Variants in RBFOX1 observed in about 807,000 individuals in gnomAD.
RBFOX1 encodes the protein RNA binding protein fox-1 homolog 1.
A neutral mutation model predicts 57.7 loss-of-function variants in RBFOX1; 8 were observed. The observed-to-expected ratio is 0.14, with a 90% CI of 0.08 to 0.25. The LOEUF (loss-of-function observed/expected upper bound fraction) is 0.25, where lower values mean the gene tolerates loss of function less well. Among genes scored for constraint, RBFOX1 ranks in the 10% least tolerant of loss-of-function variants. The pLI is 1.00. For synonymous variants in RBFOX1, 326 were observed against 222.4 expected, an observed-to-expected ratio of 1.47 and a Z score of -4.15; for missense variants, 611 against 548.5, an observed-to-expected ratio of 1.11 and a Z score of -1.14.
At chr16:7,292,549 C>CAT (rs1053233735) in intron 4 of RBFOX1, among the ~76,000 whole-genome samples, 4 of 147,120 alleles carry the variant, frequency 2.7e-5, no homozygotes, top group Non-Finnish European at 4.5e-5. Flanking sequence ...CACACACACA[C>CAT]ACACAAATAT....
chr16:5,981,705 G>C (rs1052490981), intron 4 of RBFOX1, among the ~76,000 whole-genome samples: 6 of 152,166 alleles, frequency 3.9e-5, no homozygotes, highest in African/African-American at 1.4e-4. Flanking sequence ...CTGACCTCGA[G>C]TGGTCCACCT....
intron 1 of RBFOX1, among the ~76,000 whole-genome samples, chr16:5,416,213 T>A (rs889371923): frequency 4.6e-5 from 7 of 152,194 alleles, no homozygotes; most frequent in African/African-American, 1.7e-4. Flanking sequence ...ATTTTACAGA[T>A]GAGGACATTG....
chr16:5,317,242 C>G (rs933844586), intron 1 of RBFOX1, among the ~76,000 whole-genome samples: 2 of 152,064 alleles, frequency 1.3e-5, no homozygotes, highest in Non-Finnish European at 2.9e-5. Context: ...TGTGTATTTT[C>G]TATTGGTTCT....
At chr16:6,652,138 A>T (rs78590127) in intron 2 of RBFOX1, among the ~76,000 whole-genome samples, 23 of 152,076 alleles carry the variant, frequency 1.5e-4, no homozygotes, top group African/African-American at 5.6e-4. Flanking sequence ...TCTTAATCCA[A>T]TAGGATTGGT....
At chr16:7,666,215 C>T (rs1376989127) in intron 13 of RBFOX1, among the ~76,000 whole-genome samples, 18 of 152,156 alleles carry the variant, frequency 1.2e-4, no homozygotes, top group Non-Finnish European at 2.4e-4. Context: ...CCAGTCCTGG[C>T]TCTCGACTCC....
chr16:7,307,670 G>GA, intron 4 of RBFOX1, among the ~76,000 whole-genome samples: 1 of 152,242 alleles, frequency 6.6e-6, no homozygotes, highest in African/African-American at 2.4e-5. Context: ...ATGCTAAATA[G>GA]TTTTTTTGGC....
At chr16:6,318,175 A>G (rs1040500015) in intron 2 of RBFOX1, among the ~76,000 whole-genome samples, 1 of 151,500 alleles carries the variant, frequency 6.6e-6, no homozygotes, top group African/African-American at 2.4e-5. Flanking sequence ...TGTTAGCTAC[A>G]TCAGAATGAC....
Position 6,529,860 on chromosome 16 carries a change from C to G in RBFOX1, c.-63-124743C>G, listed in dbSNP as rs559930982. On this transcript the variant is annotated intron_variant, in intron 2 of 15. Transcript: ENST00000550418. ...TTATCCCTAGTTTATTGAACAGAGT[C>G]AGCTCAGTGAGATATAAACATGAGG... Among the ~76,000 whole-genome samples the G allele has an allele frequency of 9.2e-5, 14 of 152,200 alleles. 1 individual carries two copies. The South Asian group carries it at 2.1e-3, about 23-fold the overall frequency.
chr16:6,101,403 C>T (rs928993727), intron 1 of RBFOX1, among the ~76,000 whole-genome samples: 2 of 152,186 alleles, frequency 1.3e-5, no homozygotes, highest in Admixed American at 6.5e-5. Flanking sequence ...TTTATTTTTT[C>T]TCACAAGGCA....
At chr16:7,480,620 C>G (rs1455321526) in intron 4 of RBFOX1, among the ~76,000 whole-genome samples, 2 of 152,206 alleles carry the variant, frequency 1.3e-5, no homozygotes, top group Admixed American at 6.5e-5. Flanking sequence ...CGGATTCCCT[C>G]TTGCCTGAAG....
chr16:6,813,329 G>T (rs143380643), intron 3 of RBFOX1, among the ~76,000 whole-genome samples: 18 of 152,214 alleles, frequency 1.2e-4, no homozygotes, highest in Admixed American at 3.3e-4. Flanking sequence ...GCCTCCAGTT[G>T]ACCACATTCA....
At chr16:6,977,564 A>G (rs1368721316) in intron 3 of RBFOX1, among the ~76,000 whole-genome samples, 5 of 152,096 alleles carry the variant, frequency 3.3e-5, no homozygotes, top group Admixed American at 3.3e-4. Flanking sequence ...ACAATTGGAC[A>G]CACGTCTGTG....
chr16:5,558,533 A>T (rs1876356), intron 2 of RBFOX1, among the ~76,000 whole-genome samples: 2 of 151,836 alleles, frequency 1.3e-5, no homozygotes, highest in Non-Finnish European at 2.9e-5. Flanking sequence ...GACCAGAGAC[A>T]CTCCTGAGAT....
At chr16:6,676,709 CTT>C (rs1340395388) in intron 3 of RBFOX1, among the ~76,000 whole-genome samples, 2 of 113,148 alleles carry the variant, frequency 1.8e-5, no homozygotes, top group Non-Finnish European at 3.4e-5. Flanking sequence ...AAGTCTCACT[CTT>C]GTCCCCCAGG....
chr16:5,406,530 A>G (rs2066871997), intron 1 of RBFOX1, among the ~76,000 whole-genome samples: 1 of 151,986 alleles, frequency 6.6e-6, no homozygotes, highest in Non-Finnish European at 1.5e-5. Context: ...TAAGTGTCAT[A>G]CCTTATAATA....
exon 4 of RBFOX1, chr16:5,867,326 C>T: frequency 3.3e-6 from 4 of 1,209,486 alleles, no homozygotes; most frequent in African/African-American, 1.6e-5. Context: ...AGGCTACAGG[C>T]AAAGCTGAGG....
At chr16:6,948,572 G>C (rs1198965194) in intron 3 of RBFOX1, among the ~76,000 whole-genome samples, 5 of 151,526 alleles carry the variant, frequency 3.3e-5, no homozygotes, top group Admixed American at 1.3e-4. Context: ...AGTAGAGACA[G>C]GGTTTCACCA....
chr16:7,078,692 T>A (rs1209791427), intron 4 of RBFOX1, among the ~76,000 whole-genome samples: 2 of 122,498 alleles, frequency 1.6e-5, no homozygotes, highest in Admixed American at 1.5e-4. Context: ...TTTTATTTTA[T>A]TTTTTTTTGA....
At chr16:6,037,347 C>CG (rs2152404749) in intron 1 of RBFOX1, 1 of 152,108 alleles carries the variant, frequency 6.6e-6, no homozygotes, top group African/African-American at 2.4e-5. Flanking sequence ...TGAGTTTTTG[C>CG]GGGAGAATAT....
Sources: allele counts gnomAD v4.1 joint callset (sites outside exome capture counted in the v4.1 genomes callset), GRCh38; gene constraint gnomAD v4.1.1; transcripts MANE v1.5; gene names NCBI Gene and HGNC (gene_info 2026-07-23, HGNC 2026-07-21).